The following CNTNAP5 variants were observed in gnomAD, a reference collection of about 807,000 sequenced individuals.
CNTNAP5 encodes the protein contactin associated protein family member 5.
In CNTNAP5, 72 loss-of-function variants were observed where a neutral mutation model predicts 150.2. The observed-to-expected ratio is 0.48, with a 90% CI of 0.40 to 0.58. CNTNAP5 has a LOEUF of 0.58. CNTNAP5 is among the 20% of genes least tolerant of loss of function. The pLI is 0.00. For missense variants in CNTNAP5, 1,636 were observed against 1,626.2 expected (o/e 1.01, Z -0.10); for synonymous variants, 672 against 619.8 (o/e 1.08, Z -1.25).
At chr2:124,583,233 A>G (rs1696454027) in intron 11 of CNTNAP5, among the ~76,000 whole-genome samples, 1 of 152,214 alleles carries the variant, frequency 6.6e-6, no homozygotes. Context: ...CTGGCCCTGC[A>G]CCATTTTTCT....
chr2:124,169,460 A>G (rs1332643074), intron 1 of CNTNAP5, among the ~76,000 whole-genome samples: 1 of 152,190 alleles, frequency 6.6e-6, no homozygotes, highest in Non-Finnish European at 1.5e-5. Context: ...AGTATGGGCA[A>G]AGTTCCTGTA....
At chr2:124,463,183 T>C (rs139393044) in intron 6 of CNTNAP5, among the ~76,000 whole-genome samples, 2 of 152,358 alleles carry the variant, frequency 1.3e-5, no homozygotes, top group African/African-American at 4.8e-5. Flanking sequence ...GGAGGATTTC[T>C]ATTGAACTCT....
At chr2:124,352,777 A>G (rs1689904802) in intron 3 of CNTNAP5, among the ~76,000 whole-genome samples, 1 of 152,184 alleles carries the variant, frequency 6.6e-6, no homozygotes, top group Non-Finnish European at 1.5e-5. Flanking sequence ...GAGACAGGTA[A>G]AAATAATTTG....
At position 124,914,567 on chromosome 2, in the gene CNTNAP5, A is replaced by C; in HGVS notation, c.*279A>C. ...AGACAAGGAAGAGACACATGTGTGC[A>C]CTCCTGCATGTTCAGTTCTGTACTT... On this transcript the variant is annotated 3_prime_UTR_variant, in exon 24 of 24. Coordinates refer to ENST00000682447, the MANE Select transcript of CNTNAP5 (RefSeq NM_001367498.1). 1 of 354,690 alleles carries C rather than the reference A, an allele frequency of 2.8e-6. No individual in the cohort carries two copies. Among genetic ancestry groups the C allele is most frequent in the Non-Finnish European group, 5.2e-6 (1 of 190,670 alleles). The allele number at this position is 354,690 out of a possible 1,614,324, so 22.0% of individuals were successfully genotyped here. A position where few individuals can be genotyped will look rare whatever the true frequency, so the allele number is the denominator to read the frequency against.
At chr2:124,129,107 A>G (rs1232019128) in intron 1 of CNTNAP5, among the ~76,000 whole-genome samples, 8 of 152,008 alleles carry the variant, frequency 5.3e-5, no homozygotes, top group Admixed American at 5.3e-4. Context: ...CAGAAAAAAA[A>G]AGAAAGAAAG....
At chr2:124,154,265 A>T (rs1048274843) in intron 1 of CNTNAP5, among the ~76,000 whole-genome samples, 1 of 152,244 alleles carries the variant, frequency 6.6e-6, no homozygotes, top group East Asian at 1.9e-4. Context: ...CTGAGTTTGT[A>T]TTCCCCTAGA....
chr2:124,473,893 A>C (rs1693578397), intron 6 of CNTNAP5, among the ~76,000 whole-genome samples: 1 of 152,060 alleles, frequency 6.6e-6, no homozygotes, highest in South Asian at 2.1e-4. Flanking sequence ...AAGTTGTAAA[A>C]GAAGAAAACC....
At chr2:124,027,379 G>A (rs1680922143) in intron 1 of CNTNAP5, among the ~76,000 whole-genome samples, 1 of 152,194 alleles carries the variant, frequency 6.6e-6, no homozygotes, top group Non-Finnish European at 1.5e-5. Context: ...TTTCCCTTCA[G>A]CACAGCTGCC....
chr2:124,684,984 C>G (rs979303986), intron 13 of CNTNAP5, among the ~76,000 whole-genome samples: 1 of 152,100 alleles, frequency 6.6e-6, no homozygotes, highest in African/African-American at 2.4e-5. Context: ...GATGGTAGCC[C>G]TCAACAGATG....
chr2:124,526,538 C>T (rs1194771205), intron 9 of CNTNAP5, among the ~76,000 whole-genome samples: 1 of 152,134 alleles, frequency 6.6e-6, no homozygotes, highest in Non-Finnish European at 1.5e-5. Context: ...GGAGCACAAG[C>T]ACTCATATAC....
intron 19 of CNTNAP5, among the ~76,000 whole-genome samples, chr2:124,864,934 A>C (rs1421011988): frequency 1.3e-5 from 2 of 152,220 alleles, no homozygotes; most frequent in Non-Finnish European, 2.9e-5. Flanking sequence ...GACAGCAATT[A>C]GGAAGAAAGA....
Position 124,631,904 on chromosome 2 carries a change from G to A in CNTNAP5, c.1877-15854G>A, listed in dbSNP as rs186097179. 4.0e-4 allele frequency among the ~76,000 whole-genome samples: 61 copies of A among 152,198 alleles called. No individual in the cohort carries two copies. The East Asian group carries it at 0.011, about 28-fold the overall frequency. On this transcript the variant is annotated intron_variant, in intron 12 of 23. Coordinates refer to ENST00000682447, the MANE Select transcript of CNTNAP5 (RefSeq NM_001367498.1). ...ATAAAACCATTAAAAAGTGGGCAAAGGATATTAACAGACACTTCTCAGAAA... is the reference window on the plus strand; with the variant it reads ...ATAAAACCATTAAAAAGTGGGCAAAAGATATTAACAGACACTTCTCAGAAA...
At chr2:124,637,066 C>A (rs1324114470) in intron 12 of CNTNAP5, among the ~76,000 whole-genome samples, 2 of 152,084 alleles carry the variant, frequency 1.3e-5, no homozygotes, top group African/African-American at 4.8e-5. Flanking sequence ...AGAAACCATT[C>A]ATAAGAAAAT....
At position 124,893,740 on chromosome 2, in the gene CNTNAP5, C is replaced by T. The variant is rs142945271; in HGVS notation, c.3437-9142C>T. On this transcript the variant is annotated intron_variant, in intron 21 of 23. Transcript: ENST00000682447. ...CTGTATATAATGGTCACCTGTGGGA[C>T]CATTCTTTTTTTAGGCTGGACTCCA... 3.3e-5 allele frequency among the ~76,000 whole-genome samples: 5 copies of T among 152,126 alleles called. No homozygotes were observed. The East Asian group carries it at 9.7e-4, about 30-fold the overall frequency.
chr2:124,713,314 CTTTCCTTTCTTTCTTTCTT>C lies in CNTNAP5; in HGVS notation c.2078-33913_2078-33895del, dbSNP rs1558746922. On this transcript the variant is annotated intron_variant, in intron 13 of 23. Coordinates refer to ENST00000682447, the MANE Select transcript of CNTNAP5 (RefSeq NM_001367498.1). ...CTTTCTTTCTTTCTTCTTTCTCTTT[CTTTCCTTTCTTTCTTTCTT>C]TCTTTCTTTCTTTCTTTCTTTCTTT... 4.4e-4 allele frequency among the ~76,000 whole-genome samples: 35 copies of C among 79,952 alleles called. 3 individuals are homozygous for C. Among genetic ancestry groups the C allele is most frequent in the Non-Finnish European group, 8.1e-4 (30 of 37,184 alleles). 52.5% of individuals were successfully genotyped at this position (79,952 alleles called of 152,430 possible). A position where few individuals can be genotyped will look rare whatever the true frequency, so the allele number is the denominator to read the frequency against.
intron 7 of CNTNAP5, among the ~76,000 whole-genome samples, chr2:124,482,917 T>C (rs1424191181): frequency 6.6e-6 from 1 of 152,222 alleles, no homozygotes; most frequent in Non-Finnish European, 1.5e-5. Flanking sequence ...GTTTCAAAAC[T>C]GTTATAATCA....
chr2:124,841,200 A>C (rs950921182), intron 19 of CNTNAP5, among the ~76,000 whole-genome samples: 6 of 151,976 alleles, frequency 3.9e-5, no homozygotes, highest in African/African-American at 1.4e-4. Context: ...CCCCATAAAT[A>C]ACATTGGGAA....
intron 3 of CNTNAP5, among the ~76,000 whole-genome samples, chr2:124,368,356 C>G (rs1690429015): frequency 6.6e-6 from 1 of 152,062 alleles, no homozygotes; most frequent in South Asian, 2.1e-4. Context: ...GTTTTTGAGG[C>G]TATGAGGAGA....
chr2:124,608,433 C>T (rs577229308), intron 11 of CNTNAP5, among the ~76,000 whole-genome samples: 1 of 152,272 alleles, frequency 6.6e-6, no homozygotes, highest in South Asian at 2.1e-4. Flanking sequence ...CCTGAACCTG[C>T]CTCTATCTGA....
Sources: gnomAD v4.1 joint callset for allele counts (sites outside exome capture counted in the v4.1 genomes callset) on GRCh38, gnomAD v4.1.1 for gene constraint, MANE v1.5 for transcripts, NCBI Gene and HGNC (gene_info 2026-07-23, HGNC 2026-07-21) for gene names.